The following MGMT variants were observed in gnomAD, a reference collection of about 807,000 sequenced individuals.
MGMT encodes methylated-DNA--protein-cysteine methyltransferase.
In MGMT, 14 loss-of-function variants were observed where a neutral mutation model predicts 15.9. That is an observed-to-expected ratio of 0.88 (90% CI 0.58 to 1.37). MGMT has a LOEUF of 1.37. MGMT is among the 40% of genes most tolerant of loss of function. The probability of loss-of-function intolerance (pLI) is 0.00; values close to 1 mark genes in which losing one functional copy is unlikely to be tolerated. For missense variants in MGMT, 282 were observed against 268.1 expected (o/e 1.05, Z -0.36); for synonymous variants, 130 against 118.2 (o/e 1.10, Z -0.65).
At chr10:129,474,879 G>T (rs1018716269) in intron 1 of MGMT, among the ~76,000 whole-genome samples, 2 of 152,118 alleles carry the variant, frequency 1.3e-5, no homozygotes, top group South Asian at 4.1e-4. Context: ...CCCTGGGCTC[G>T]CAGTGGCCTT....
rs749621475 is a variant in MGMT, at chr10:129,707,975, A to G, written c.206A>G (p.Tyr69Cys). The G allele has an allele frequency of 1.2e-6, 2 of 1,613,330 alleles. No individual in the cohort carries two copies. Among genetic ancestry groups the G allele is most frequent in the Non-Finnish European group, 8.5e-7 (1 of 1,179,970 alleles). ...LMQCTAWLNA[Y>C]FHQPEAIEEF... ...CAGTGCACAGCCTGGCTGAATGCCTATTTCCACCAGCCCGAGGCTATCGAA... is the reference window on the plus strand; with the variant it reads ...CAGTGCACAGCCTGGCTGAATGCCTGTTTCCACCAGCCCGAGGCTATCGAA... Residue 69 changes from tyrosine (Y) to cysteine (C), a missense_variant, in exon 3 of 5, where the codon TAT becomes TGT. Tyr to Cys is a radical substitution (Grantham distance 194, BLOSUM62 -2). Coordinates refer to ENST00000651593, the MANE Select transcript of MGMT (RefSeq NM_002412.5).
intron 1 of MGMT, among the ~76,000 whole-genome samples, chr10:129,528,211 A>G (rs920923613): frequency 1.4e-5 from 2 of 144,108 alleles, no homozygotes; most frequent in Non-Finnish European, 3.0e-5. Flanking sequence ...AGCTAAGACT[A>G]CTCTGGTTTG....
At chr10:129,535,068 C>CT (rs1486999298) in intron 1 of MGMT, among the ~76,000 whole-genome samples, 1 of 152,180 alleles carries the variant, frequency 6.6e-6, no homozygotes, top group Non-Finnish European at 1.5e-5. Context: ...CCCACAGGCT[C>CT]TAATTTGTTG....
At chr10:129,612,243 TGGAG>T (rs965009587) in intron 2 of MGMT, among the ~76,000 whole-genome samples, 2 of 152,178 alleles carry the variant, frequency 1.3e-5, no homozygotes, top group African/African-American at 4.8e-5. Context: ...TTCTTATTTG[TGGAG>T]GAAGCCTTCA....
intron 3 of MGMT, among the ~76,000 whole-genome samples, chr10:129,720,177 A>G (rs1055123705): frequency 7.2e-5 from 11 of 152,232 alleles, no homozygotes; most frequent in Admixed American, 5.9e-4. Context: ...AATGGAGCCA[A>G]TTCATACTGT....
At chr10:129,523,987 G>T (rs1207273330) in intron 1 of MGMT, among the ~76,000 whole-genome samples, 2 of 152,214 alleles carry the variant, frequency 1.3e-5, no homozygotes, top group African/African-American at 4.8e-5. Flanking sequence ...GGAGGTAGCA[G>T]AAGCATCTCT....
intron 3 of MGMT, among the ~76,000 whole-genome samples, chr10:129,720,589 G>A (rs1848358648): frequency 6.6e-6 from 1 of 152,230 alleles, no homozygotes; most frequent in Non-Finnish European, 1.5e-5. Context: ...GGGGAATGGA[G>A]GGGCAAAGAG....
chr10:129,510,763 C>G (rs1003626179), intron 1 of MGMT, among the ~76,000 whole-genome samples: 1 of 152,082 alleles, frequency 6.6e-6, no homozygotes, highest in African/African-American at 2.4e-5. Flanking sequence ...GATGGGAACC[C>G]CAGATACCAG....
intron 1 of MGMT, among the ~76,000 whole-genome samples, chr10:129,511,194 T>G (rs1384348134): frequency 2.0e-5 from 3 of 147,792 alleles, no homozygotes; most frequent in African/African-American, 7.6e-5. Flanking sequence ...CTTCATGCAG[T>G]AGGAACCCTG....
At chr10:129,665,015 ACAGT>A (rs759649223) in intron 2 of MGMT, among the ~76,000 whole-genome samples, 1 of 152,210 alleles carries the variant, frequency 6.6e-6, no homozygotes, top group Non-Finnish European at 1.5e-5. Context: ...CACCAGGGTG[ACAGT>A]CAGGCAGGTT....
chr10:129,538,220 C>T (rs373098716), intron 2 of MGMT, among the ~76,000 whole-genome samples: 7 of 152,280 alleles, frequency 4.6e-5, no homozygotes, highest in South Asian at 2.1e-4. Context: ...AGTGTACAAC[C>T]GTATAACTAC....
chr10:129,660,173 G>A (rs922151642), intron 2 of MGMT, among the ~76,000 whole-genome samples: 23 of 151,936 alleles, frequency 1.5e-4, no homozygotes, highest in African/African-American at 4.6e-4. Flanking sequence ...TTGTGGTTTC[G>A]TTTCTGAGCA....
chr10:129,510,775 C>G (rs571084528), intron 1 of MGMT, among the ~76,000 whole-genome samples: 4 of 151,554 alleles, frequency 2.6e-5, no homozygotes, highest in African/African-American at 9.7e-5. Context: ...AGATACCAGA[C>G]GCAGCCAGAT....
In MGMT at chr10:129,767,099, TG is replaced by T. The variant is rs1273118406; in HGVS notation, c.*105del. The T allele has an allele frequency of 1.7e-5, 18 of 1,033,442 alleles. No homozygotes were observed. Among genetic ancestry groups the T allele is most frequent in the Admixed American group, 2.9e-5 (1 of 34,518 alleles). The allele number at this position is 1,033,442 out of a possible 1,614,324, so 64.0% of individuals were successfully genotyped here. A position where few individuals can be genotyped will look rare whatever the true frequency, so the allele number is the denominator to read the frequency against. On this transcript the variant is annotated 3_prime_UTR_variant, in exon 5 of 5. Coordinates refer to ENST00000651593, the MANE Select transcript of MGMT (RefSeq NM_002412.5). ...TGTATTAAAGGAAGTGGCAGTGTCCTGGGAACAAGCGTGTCTGCCCTTTCTG... is the reference window on the plus strand; with the variant it reads ...TGTATTAAAGGAAGTGGCAGTGTCCTGGAACAAGCGTGTCTGCCCTTTCTG...
At chr10:129,558,651 T>G (rs778479013) in intron 2 of MGMT, among the ~76,000 whole-genome samples, 10 of 152,256 alleles carry the variant, frequency 6.6e-5, no homozygotes, top group Non-Finnish European at 1.3e-4. Flanking sequence ...ATTACAGTCT[T>G]TGTTGTGTTA....
rs117729256 is a variant in MGMT at position 129,754,017 on chromosome 10, G to A, written c.275-5185G>A. The stretch of plus-strand genomic sequence containing the variant: ...TTGTTCAATTTTCAAACCCTTTTCC[G>A]TCCTCTTAACATCAGTTCTTTTGTG... On this transcript the variant is annotated intron_variant, in intron 3 of 4. Coordinates refer to ENST00000651593, the MANE Select transcript of MGMT (RefSeq NM_002412.5). Among the ~76,000 whole-genome samples the A allele has an allele frequency of 3.3e-3, 508 of 152,128 alleles. 1 individual carries two copies. Among genetic ancestry groups the A allele is most frequent in the South Asian group, 0.015 (74 of 4,814 alleles).
intron 2 of MGMT, among the ~76,000 whole-genome samples, chr10:129,594,946 C>G (rs761224047): frequency 6.6e-6 from 1 of 152,182 alleles, no homozygotes; most frequent in Non-Finnish European, 1.5e-5. Context: ...TGGAGAAGAC[C>G]GCTCAGAGCT....
intron 1 of MGMT, among the ~76,000 whole-genome samples, chr10:129,472,588 C>T (rs993281985): frequency 2.6e-5 from 4 of 152,168 alleles, no homozygotes; most frequent in African/African-American, 7.2e-5. Flanking sequence ...GATGGGCTTC[C>T]GTTTGGACCT....
intron 3 of MGMT, among the ~76,000 whole-genome samples, chr10:129,727,544 C>T (rs1226766369): frequency 6.6e-6 from 1 of 152,232 alleles, no homozygotes; most frequent in African/African-American, 2.4e-5. Flanking sequence ...TCTGTAGTGA[C>T]TGGCACAAGA....
Sources: allele counts gnomAD v4.1 joint callset (sites outside exome capture counted in the v4.1 genomes callset), GRCh38; gene constraint gnomAD v4.1.1; transcripts MANE v1.5; gene names NCBI Gene and HGNC (gene_info 2026-07-23, HGNC 2026-07-21).